Variants in PATZ1 observed in about 807,000 individuals in gnomAD.
PATZ1 encodes POZ-, AT hook-, and zinc finger-containing protein 1.
Under a neutral mutation model 46.2 loss-of-function variants are expected in PATZ1, and 9 were observed. The observed-to-expected ratio is 0.19, with a 90% confidence interval of 0.12 to 0.34. The LOEUF is 0.34. Among genes scored for constraint, PATZ1 ranks in the 10% least tolerant of loss-of-function variants. The pLI is 1.00. For missense variants in PATZ1, 632 were observed against 923.0 expected (o/e 0.68, Z 4.08); for synonymous variants, 426 against 378.6 (o/e 1.13, Z -1.45).
At chr22:31,343,064 A>C (rs1451389015) in intron 1 of PATZ1, 104 bp from the exon 2 acceptor site, 33 of 1,545,294 alleles carry the variant, frequency 2.1e-5, no homozygotes, top group Non-Finnish European at 2.8e-5. Flanking sequence ...TCACTGCTGG[A>C]AAGGACTCCC....
intron 3 of PATZ1, 64 bp downstream of exon 3, chr22:31,335,618 ATTGAGACACC>A: frequency 7.0e-7 from 1 of 1,433,824 alleles, no homozygotes; most frequent in Admixed American, 1.8e-5. Flanking sequence ...AGGCAGGGTG[ATTGAGACACC>A]CCTAGGCCTC....
intron 3 of PATZ1, among the ~76,000 whole-genome samples, chr22:31,334,781 G>A (rs2049487492): frequency 6.6e-6 from 1 of 151,974 alleles, no homozygotes; most frequent in Non-Finnish European, 1.5e-5. Context: ...CTAAACCCTG[G>A]GTCTCTTGAC....
In PATZ1 at chr22:31,328,384, G is replaced by A. The variant is rs1240396904; in HGVS notation, c.1645+403C>T. Among the ~76,000 whole-genome samples the A allele has an allele frequency of 2.6e-5, 4 of 152,214 alleles. No homozygotes were observed. The highest frequency in any genetic ancestry group is 9.6e-5 in the African/African-American group (4 of 41,454). On this transcript the variant is annotated intron_variant, in intron 4 of 4. Transcript: ENST00000266269. This position sits in a 1 kb window ranked among gnomAD's most constrained non-coding sequence, Gnocchi z 4.8. Reference sequence around the variant, plus strand: ...ACATTGGCTCCCACCGGCCCACTGGGTCAAAAGAGGAGAAAGCATTCAGCC... The same window carrying A: ...ACATTGGCTCCCACCGGCCCACTGGATCAAAAGAGGAGAAAGCATTCAGCC...
rs576404311 is a variant in PATZ1, at chr22:31,327,643, C to A, written c.1646-334G>T. The stretch of plus-strand genomic sequence containing the variant: ...GCTGCCCAGAACAACTCAAAGACCC[C>A]CAACTCCTAGGCGCTCTTTTGGGTG... On this transcript the variant is annotated intron_variant, in intron 4 of 4. Coordinates refer to ENST00000266269, the MANE Select transcript of PATZ1 (RefSeq NM_014323.3). The surrounding 1 kb of genome is among the most constrained non-coding windows in gnomAD (Gnocchi z 4.2). Among the ~76,000 whole-genome samples the A allele has an allele frequency of 6.6e-6, 1 of 152,172 alleles. No individual in the cohort carries two copies. Among genetic ancestry groups the A allele is most frequent in the Non-Finnish European group, 1.5e-5 (1 of 68,036 alleles).
At chr22:31,341,647 C>T (rs2145826524) in intron 2 of PATZ1, 1 of 1,613,528 alleles carries the variant, frequency 6.2e-7, no homozygotes. Flanking sequence ...GGAAGAGGTT[C>T]CAGGGGCGGC....
chr22:31,333,383 G>A (rs995853606), intron 3 of PATZ1, among the ~76,000 whole-genome samples: 3 of 152,056 alleles, frequency 2.0e-5, no homozygotes, highest in African/African-American at 7.2e-5. Flanking sequence ...TACAGGCTTG[G>A]TGGCAGCAGG....
At chr22:31,341,580 G>T in intron 2 of PATZ1, 1 of 1,614,158 alleles carries the variant, frequency 6.2e-7, no homozygotes, top group Non-Finnish European at 8.5e-7. Flanking sequence ...GTCAGGAACC[G>T]AATGGGACGA....
intron 2 of PATZ1, chr22:31,341,260 C>G (rs2049576741): frequency 7.1e-7 from 1 of 1,410,052 alleles, no homozygotes; most frequent in Non-Finnish European, 9.2e-7. Flanking sequence ...GGGGCTCTGA[C>G]ATGGGAAAGA....
chr22:31,345,007 C>G lies in PATZ1; in HGVS notation c.596G>C (p.Ser199Thr). 6.2e-7 allele frequency: 1 copy of G among 1,614,066 alleles called. No homozygotes were observed. The highest frequency in any genetic ancestry group is 8.5e-7 in the Non-Finnish European group (1 of 1,180,028). Residue 199 changes from serine to threonine, a missense_variant, in exon 1 of 5, where the codon AGC (serine) becomes ACC (threonine). Around this residue, in one of 7 missense-constraint regions of PATZ1, gnomAD observed 279 missense variants for 284.3 expected, o/e 0.98. Coordinates refer to ENST00000266269, the MANE Select transcript of PATZ1 (RefSeq NM_014323.3). This position sits in a 1 kb window ranked among gnomAD's most constrained non-coding sequence, Gnocchi z 7.4. Reference sequence around the variant, plus strand: ...CTGCATGCTGCCGGCGATGCCATTGCTGTTGGCTGCCAAGGCTGCCCCGTT... The same window carrying G: ...CTGCATGCTGCCGGCGATGCCATTGGTGTTGGCTGCCAAGGCTGCCCCGTT... The part of the protein sequence containing the change: ...MTNGAALAAN[S>T]NGIAGSMQPE...
In PATZ1 at chr22:31,342,964, GA is replaced by G; in HGVS notation, c.1272-5del. 4.3e-6 allele frequency: 7 copies of G among 1,613,882 alleles called. No homozygotes were observed. The highest frequency in any genetic ancestry group is 5.9e-6 in the Non-Finnish European group (7 of 1,179,850). The stretch of plus-strand genomic sequence containing the variant: ...ATGTCCGTTCAAGTGATCAGGCCTG[GA>G]AAAGAGAGAACCAAGAGGGACTTTA... On this transcript the variant is annotated splice_polypyrimidine_tract_variant and splice_region_variant and intron_variant, in intron 1 of 4. Coordinates refer to ENST00000266269, the MANE Select transcript of PATZ1 (RefSeq NM_014323.3).
rs1385964896 is a variant in PATZ1, at chr22:31,344,782, T to C, written c.821A>G (p.Asn274Ser). 1 of 1,609,020 alleles carries C rather than the reference T, an allele frequency of 6.2e-7. No individual in the cohort carries two copies. ...GGACCCAAACATTGAGTCCAGCAGG[T>C]TGGCCTTCCTTGGGCGGCCCCGGCC... ...KRGRGRPRKA[N>S]LLDSMFGSPG... Residue 274 changes from asparagine (N) to serine (S), a missense_variant, in exon 1 of 5, where the codon AAC (asparagine) becomes AGC (serine). Physicochemically the swap from Asn to Ser is conservative, Grantham distance 46. This residue lies in a region of PATZ1 where 279 missense variants were observed against 284.3 expected (regional missense o/e 0.98). Transcript: ENST00000266269.
intron 3 of PATZ1, among the ~76,000 whole-genome samples, chr22:31,332,012 G>A (rs1255059512): frequency 2.6e-5 from 4 of 152,174 alleles, no homozygotes; most frequent in African/African-American, 9.7e-5. Flanking sequence ...TAGGGAGGCT[G>A]AGGAAGGAGA....
At chr22:31,338,875 C>T (rs1007944666) in intron 2 of PATZ1, among the ~76,000 whole-genome samples, 16 of 152,080 alleles carry the variant, frequency 1.1e-4, no homozygotes, top group East Asian at 5.8e-4. Context: ...GGTGAAACCC[C>T]GTCTCTACTA....
intron 2 of PATZ1, chr22:31,338,137 G>A (rs986462472): frequency 1.3e-5 from 2 of 152,528 alleles, no homozygotes; most frequent in African/African-American, 4.8e-5. Context: ...AGCTACTAAA[G>A]AAAGTCTAGC....
At position 31,346,067 on chromosome 22, in the gene PATZ1, G is replaced by A. The variant is rs2049654188; in HGVS notation, c.-465C>T. ...GCGGCTTTTCCCGGGCCCGCTGGGG[G>A]CGCGCGCTGCGTCCCCTGCAAAGCG... On this transcript the variant is annotated 5_prime_UTR_variant, in exon 1 of 5. Coordinates refer to ENST00000266269, the MANE Select transcript of PATZ1 (RefSeq NM_014323.3). 2 of 159,866 alleles carry A rather than the reference G, an allele frequency of 1.3e-5. No homozygotes were observed. Among genetic ancestry groups the A allele is most frequent in the African/African-American group, 2.4e-5 (1 of 41,364 alleles). The allele number at this position is 159,866 out of a possible 1,614,324, so 9.9% of individuals were successfully genotyped here.
chr22:31,343,516 G>GTTCC, intron 1 of PATZ1: 1 of 839,784 alleles, frequency 1.2e-6, no homozygotes, highest in Non-Finnish European at 1.4e-6. Flanking sequence ...GGTAAGACTG[G>GTTCC]TTCCTGGTCG....
In PATZ1 at chr22:31,345,843, T is replaced by A; in HGVS notation, c.-241A>T. 2.4e-6 allele frequency: 1 copy of A among 411,040 alleles called. No individual in the cohort carries two copies. Among genetic ancestry groups the A allele is most frequent in the Admixed American group, 4.3e-5 (1 of 23,470 alleles). The allele number at this position is 411,040 out of a possible 1,614,324, so 25.5% of individuals were successfully genotyped here. On this transcript the variant is annotated 5_prime_UTR_variant, in exon 1 of 5. Transcript: ENST00000266269. The surrounding 1 kb of genome is among the most constrained non-coding windows in gnomAD (Gnocchi z 7.4). ...CCGCCCTCGCTGGACTGCGCGCCAC[T>A]CTCTCCTCTCCGCCCGCCCGCCTCC... is the stretch of plus-strand genomic sequence containing the variant.
rs1477311080 is a variant in PATZ1 at position 31,328,624 on chromosome 22, A to C, written c.1645+163T>G. ...CTCACTCACTGCCCTGGAGTGAGAT[A>C]CCCACTGTGACTTTTGTCCTGGAGG... On this transcript the variant is annotated intron_variant, in intron 4 of 4. Coordinates refer to ENST00000266269, the MANE Select transcript of PATZ1 (RefSeq NM_014323.3). This position sits in a 1 kb window ranked among gnomAD's most constrained non-coding sequence, Gnocchi z 4.8. Among the ~76,000 whole-genome samples, 1 of 152,132 alleles carries C rather than the reference A, an allele frequency of 6.6e-6. No individual in the cohort carries two copies. Among genetic ancestry groups the C allele is most frequent in the East Asian group, 1.9e-4 (1 of 5,188 alleles).
At chr22:31,338,049 C>G (rs1411080793) in intron 2 of PATZ1, 1 of 152,198 alleles carries the variant, frequency 6.6e-6, no homozygotes, top group Non-Finnish European at 1.5e-5. Flanking sequence ...CTGCTTTTAT[C>G]TGTTTTATAT....
Sources: allele counts gnomAD v4.1 joint callset (sites outside exome capture counted in the v4.1 genomes callset), GRCh38; gene constraint gnomAD v4.1.1; regional missense constraint gnomAD v4.1.1; non-coding constraint Gnocchi (gnomAD v3.1); transcripts MANE v1.5; gene names NCBI Gene and HGNC (gene_info 2026-07-23, HGNC 2026-07-21).